The following GOLGA3 variants were observed in gnomAD, a reference collection of about 807,000 sequenced individuals.
GOLGA3 encodes the protein golgin subfamily A member 3.
In GOLGA3, 75 loss-of-function variants were observed where a neutral mutation model predicts 169.4. That is an observed-to-expected ratio of 0.44 (90% confidence interval 0.37 to 0.54). The LOEUF (loss-of-function observed/expected upper bound fraction) is 0.54, where lower values mean the gene tolerates loss of function less well. GOLGA3 is among the 20% of genes least tolerant of loss of function. GOLGA3 has a pLI of 0.00. For missense variants in GOLGA3, 1,899 were observed against 1,930.0 expected, an observed-to-expected ratio of 0.98 and a Z score of 0.30; for synonymous variants, 824 against 822.4, an observed-to-expected ratio of 1.00 and a Z score of -0.03.
chr12:132,788,540 G>C (rs1228461483), intron 13 of GOLGA3, among the ~76,000 whole-genome samples: 7 of 152,178 alleles, frequency 4.6e-5, no homozygotes, highest in African/African-American at 1.4e-4. Flanking sequence ...AGCCAGCCCA[G>C]GCTCAGCTTC....
intron 3 of GOLGA3, among the ~76,000 whole-genome samples, chr12:132,816,280 G>A (rs1453432756): frequency 6.6e-6 from 1 of 152,248 alleles, no homozygotes; most frequent in African/African-American, 2.4e-5. Flanking sequence ...GGTGACACAG[G>A]ACATGCAGGC....
At chr12:132,794,189 T>G (rs1043331003) in intron 11 of GOLGA3, among the ~76,000 whole-genome samples, 5 of 152,130 alleles carry the variant, frequency 3.3e-5, no homozygotes, top group African/African-American at 1.2e-4. Flanking sequence ...AGCCCCCACG[T>G]GGATACTGCT....
Position 132,773,094 on chromosome 12 carries a change from G to T in GOLGA3, c.*11C>A. 6.4e-7 allele frequency: 1 copy of T among 1,551,544 alleles called. No homozygotes were observed. The highest frequency in any genetic ancestry group is 2.4e-5 in the East Asian group (1 of 41,478). On this transcript the variant is annotated 3_prime_UTR_variant, in exon 24 of 24. Coordinates refer to ENST00000450791, the MANE Select transcript of GOLGA3 (RefSeq NM_001389683.1). The stretch of plus-strand genomic sequence containing the variant: ...CTGGGGCAGCGGCGCACGGAGGCGA[G>T]TCCACAGCAGTCACTCTCCCGGCCC...
intron 17 of GOLGA3, among the ~76,000 whole-genome samples, chr12:132,781,991 GAGCACACGCAGGGGCTCC>G (rs903887330): frequency 6.6e-6 from 1 of 151,986 alleles, no homozygotes; most frequent in Non-Finnish European, 1.5e-5. Flanking sequence ...CAGGTGAACT[GAGCACACGCAGGGGCTCC>G]AGCCTCACCT....
intron 22 of GOLGA3, chr12:132,774,550 C>G (rs540939061): frequency 2.1e-4 from 122 of 586,020 alleles, no homozygotes; most frequent in Non-Finnish European, 3.4e-4. Flanking sequence ...AAAGCAGAGA[C>G]AACCTAAGTC....
Position 132,777,219 on chromosome 12 carries a change from A to G in GOLGA3, c.3723-129T>C. On this transcript the variant is annotated intron_variant, in intron 19 of 23. Transcript: ENST00000450791. The surrounding 1 kb of genome is among the most constrained non-coding windows in gnomAD (Gnocchi z 4.7). ...CCCTCTGCTGTGCACTGCGTGCTGC[A>G]GCCATGCTTGGTGCCCACAGTGTGC... The G allele has an allele frequency of 1.0e-6, 1 of 1,001,578 alleles. No homozygotes were observed. The allele number at this position is 1,001,578 out of a possible 1,614,324, so 62.0% of individuals were successfully genotyped here.
At chr12:132,822,502 G>A (rs983807709) in intron 1 of GOLGA3, among the ~76,000 whole-genome samples, 191 bp from the exon 2 acceptor site, 1 of 152,220 alleles carries the variant, frequency 6.6e-6, no homozygotes, top group Non-Finnish European at 1.5e-5. Flanking sequence ...AGCCACACTG[G>A]GCCCTTTCCT....
rs1448298220 is a variant in GOLGA3, at chr12:132,804,596, G to A, written c.1597+120C>T. The A allele has an allele frequency of 3.8e-6, 3 of 791,736 alleles. No individual in the cohort carries two copies. The East Asian group carries it at 7.7e-5, about 20-fold the overall frequency. The allele number at this position is 791,736 out of a possible 1,614,324, so 49.0% of individuals were successfully genotyped here. ...CAGCGGGGACCAGTCGAGGAAGGAGGAGGGAGCAGCAAGGACCAGTCAGGG... is the reference window on the plus strand; with the variant it reads ...CAGCGGGGACCAGTCGAGGAAGGAGAAGGGAGCAGCAAGGACCAGTCAGGG... On this transcript the variant is annotated intron_variant, in intron 7 of 23. Coordinates refer to ENST00000450791, the MANE Select transcript of GOLGA3 (RefSeq NM_001389683.1). This position sits in a 1 kb window ranked among gnomAD's most constrained non-coding sequence, Gnocchi z 4.1.
intron 4 of GOLGA3, 56 bp downstream of exon 4, chr12:132,813,251 A>G: frequency 1.7e-6 from 2 of 1,190,596 alleles, no homozygotes; most frequent in Non-Finnish European, 2.5e-6. Context: ...TGGGACCAAC[A>G]GTTGTCTCTG....
Position 132,773,250 on chromosome 12 carries a change from AG to A in GOLGA3, c.4351del (p.Leu1451Ter). ...SLQRQMEEHA[L>X]TVHESLSSWT... Reference sequence around the variant, plus strand: ...CGAGGACAGAGACTCGTGCACCGTCAGGGCGTGCTCCTCCATCTGGCGCTGC... The same window carrying A: ...CGAGGACAGAGACTCGTGCACCGTCAGGCGTGCTCCTCCATCTGGCGCTGC... On this transcript the variant is annotated frameshift_variant, in exon 24 of 24. Transcript: ENST00000450791. LOFTEE classifies it low-confidence loss of function (END_TRUNC). 6.6e-7 allele frequency: 1 copy of A among 1,518,078 alleles called. No individual in the cohort carries two copies. The highest frequency in any genetic ancestry group is 8.9e-7 in the Non-Finnish European group (1 of 1,126,242). 94.0% of individuals were successfully genotyped at this position (1,518,078 alleles called of 1,614,324 possible). A position where few individuals can be genotyped will look rare whatever the true frequency, so the allele number is the denominator to read the frequency against.
intron 3 of GOLGA3, among the ~76,000 whole-genome samples, chr12:132,813,721 CTTTT>C (rs10717082): frequency 8.9e-5 from 7 of 78,862 alleles, no homozygotes; most frequent in Non-Finnish European, 9.9e-5. Context: ...CAGCAAGTGC[CTTTT>C]TTTTTTTTTT....
chr12:132,799,485 T>C (rs138786217), intron 8 of GOLGA3, among the ~76,000 whole-genome samples: 71 of 152,234 alleles, frequency 4.7e-4, no homozygotes, highest in African/African-American at 1.7e-3. Flanking sequence ...AGAAAACTTT[T>C]AAACAATTAG....
chr12:132,822,958 GC>G (rs1950277762), intron 1 of GOLGA3, among the ~76,000 whole-genome samples: 2 of 152,140 alleles, frequency 1.3e-5, no homozygotes, highest in African/African-American at 4.8e-5. Flanking sequence ...AGACTCACAG[GC>G]CCCCCTCTCA....
At chr12:132,813,515 T>C in intron 3 of GOLGA3, 96 bp from the exon 4 acceptor site, 2 of 644,144 alleles carry the variant, frequency 3.1e-6, no homozygotes, top group Admixed American at 2.8e-5. Context: ...TAATTACCCA[T>C]ATACTTTACA....
chr12:132,774,024 C>T (rs1244377730), intron 23 of GOLGA3, 133 bp downstream of exon 23: 27 of 747,644 alleles, frequency 3.6e-5, no homozygotes, highest in Non-Finnish European at 4.4e-5. Flanking sequence ...GCTATGTATG[C>T]GAGTCCCCCA....
Position 132,804,516 on chromosome 12 carries a change from C to A in GOLGA3, c.1597+200G>T, listed in dbSNP as rs532146602. Among the ~76,000 whole-genome samples the A allele has an allele frequency of 6.6e-6, 1 of 151,922 alleles. No homozygotes were observed. The highest frequency in any genetic ancestry group is 2.4e-5 in the African/African-American group (1 of 41,338). On this transcript the variant is annotated intron_variant, in intron 7 of 23. Transcript: ENST00000450791. The surrounding 1 kb of genome is among the most constrained non-coding windows in gnomAD (Gnocchi z 4.1). ...GTCAGCACCAGGGAGGAGGGCGTGG[C>A]GAGGACCAGTCAGGGAAGGAGGGCG...
intron 1 of GOLGA3, among the ~76,000 whole-genome samples, chr12:132,825,202 C>A (rs999385132): frequency 6.6e-6 from 1 of 151,988 alleles, no homozygotes. Context: ...TGTGCCTACG[C>A]GTGCAGACCC....
rs1265968670 is a variant in GOLGA3, at chr12:132,777,445, T to C, written c.3722+221A>G. ...CCGCCTCTGACCTGAAGCTAAGTACTCCTGCTGGGGCGCTTTCTCTCTTGG... is the reference window on the plus strand; with the variant it reads ...CCGCCTCTGACCTGAAGCTAAGTACCCCTGCTGGGGCGCTTTCTCTCTTGG... On this transcript the variant is annotated intron_variant, in intron 19 of 23. Transcript: ENST00000450791. The surrounding 1 kb of genome is among the most constrained non-coding windows in gnomAD (Gnocchi z 4.7). Among the ~76,000 whole-genome samples, 3 of 152,066 alleles carry C rather than the reference T, an allele frequency of 2.0e-5. No homozygotes were observed. The highest frequency in any genetic ancestry group is 4.4e-5 in the Non-Finnish European group (3 of 68,004).
chr12:132,791,612 G>A (rs1438176726), intron 11 of GOLGA3, among the ~76,000 whole-genome samples: 1 of 149,318 alleles, frequency 6.7e-6, no homozygotes, highest in Non-Finnish European at 1.5e-5. Context: ...TTGTTACACT[G>A]AGGACTATAG....
Sources: allele counts gnomAD v4.1 joint callset (sites outside exome capture counted in the v4.1 genomes callset), GRCh38; gene constraint gnomAD v4.1.1; non-coding constraint Gnocchi (gnomAD v3.1); transcripts MANE v1.5; gene names NCBI Gene and HGNC (gene_info 2026-07-23, HGNC 2026-07-21).